Variants in FHIT observed in about 807,000 individuals in gnomAD.
FHIT encodes bis(5'-adenosyl)-triphosphatase.
In FHIT, 19 loss-of-function variants were observed where a neutral mutation model predicts 17.9. The ratio of observed to expected loss-of-function variants is 1.06; its 90% CI spans 0.74 to 1.56. The LOEUF (loss-of-function observed/expected upper bound fraction) is 1.56. Ranked by LOEUF, FHIT falls within the 40% of genes most tolerant of loss-of-function variation. The pLI, the probability that FHIT is intolerant of heterozygous loss-of-function variation, is 0.00. For missense variants in FHIT, 248 were observed against 189.2 expected, an observed-to-expected ratio of 1.31 and a Z score of -1.82; for synonymous variants, 81 against 69.7, an observed-to-expected ratio of 1.16 and a Z score of -0.81.
chr3:60,832,201 TATCTAATTGTATAAGA>T (rs1553742738), intron 3 of FHIT, among the ~76,000 whole-genome samples: 1 of 152,068 alleles, frequency 6.6e-6, no homozygotes, highest in Non-Finnish European at 1.5e-5. Flanking sequence ...TTGTACTTTT[TATCTAATTGTATAAGA>T]ATACAATTAG....
chr3:61,091,079 C>A (rs1296180327), intron 2 of FHIT, among the ~76,000 whole-genome samples: 1 of 152,174 alleles, frequency 6.6e-6, no homozygotes, highest in Non-Finnish European at 1.5e-5. Context: ...GTTCACATCC[C>A]TTAACTAACA....
At chr3:59,950,685 G>A (rs1260145218) in intron 7 of FHIT, among the ~76,000 whole-genome samples, 1 of 152,182 alleles carries the variant, frequency 6.6e-6, no homozygotes, top group Non-Finnish European at 1.5e-5. Context: ...AAACTCAGGT[G>A]AGTTCACTGT....
chr3:61,225,168 C>T (rs1232696998), intron 1 of FHIT, among the ~76,000 whole-genome samples: 1 of 152,162 alleles, frequency 6.6e-6, no homozygotes, highest in Non-Finnish European at 1.5e-5. Context: ...TTCCTTTTGG[C>T]AACAGTCAAA....
chr3:60,465,701 G>C (rs2594234), intron 5 of FHIT, among the ~76,000 whole-genome samples: 1 of 152,026 alleles, frequency 6.6e-6, no homozygotes, highest in African/African-American at 2.4e-5. Context: ...GTTTGCTGTA[G>C]ATGTATGGAT....
intron 4 of FHIT, among the ~76,000 whole-genome samples, chr3:60,715,677 T>G (rs927894864): frequency 1.3e-5 from 2 of 150,318 alleles, no homozygotes; most frequent in East Asian, 4.0e-4. Flanking sequence ...TGCTAAATGA[T>G]GAGTTAATGG....
At chr3:60,686,840 C>T (rs961912975) in intron 4 of FHIT, among the ~76,000 whole-genome samples, 1 of 152,266 alleles carries the variant, frequency 6.6e-6, no homozygotes, top group Admixed American at 6.5e-5. Flanking sequence ...CTACCTGTGG[C>T]TTGACCTCAG....
In FHIT at chr3:59,925,511, G is replaced by C. The variant is rs1255062584; in HGVS notation, c.280-3097C>G. 2.0e-5 allele frequency among the ~76,000 whole-genome samples: 3 copies of C among 152,064 alleles called. 1 individual carries two copies. The highest frequency in any genetic ancestry group is 4.2e-4 in the South Asian group (2 of 4,808). On this transcript the variant is annotated intron_variant, in intron 7 of 9. Coordinates refer to ENST00000492590, the MANE Select transcript of FHIT (RefSeq NM_002012.4). Reference sequence around the variant, plus strand: ...GTTAGTATCCACTACTAACATATGGGGGGTTGCGAACCTGCACTTGGGAAC... The same window carrying C: ...GTTAGTATCCACTACTAACATATGGCGGGTTGCGAACCTGCACTTGGGAAC...
intron 4 of FHIT, among the ~76,000 whole-genome samples, chr3:60,714,738 G>T (rs2041635450): frequency 6.6e-6 from 1 of 152,152 alleles, no homozygotes. Flanking sequence ...GGACGTGAAG[G>T]ACCTCTTCAA....
At chr3:60,441,763 T>C (rs1221178923) in intron 5 of FHIT, among the ~76,000 whole-genome samples, 11 of 21,388 alleles carry the variant, frequency 5.1e-4, no homozygotes, top group Admixed American at 1.3e-3. Flanking sequence ...TAAAAATATA[T>C]ATATATTTAT....
At chr3:60,623,967 A>C (rs1046697096) in intron 4 of FHIT, among the ~76,000 whole-genome samples, 9 of 152,218 alleles carry the variant, frequency 5.9e-5, no homozygotes, top group Non-Finnish European at 1.3e-4. Flanking sequence ...TGCTTTTGAA[A>C]AATTCTACAA....
chr3:60,078,140 G>C (rs149562087), intron 5 of FHIT, among the ~76,000 whole-genome samples: 1 of 152,096 alleles, frequency 6.6e-6, no homozygotes, highest in Non-Finnish European at 1.5e-5. Context: ...TGCAAAAAAA[G>C]AATGGGTAAA....
intron 5 of FHIT, among the ~76,000 whole-genome samples, chr3:60,441,739 TATATTTATATATATAAAA>T: frequency 2.1e-5 from 2 of 96,738 alleles, no homozygotes; most frequent in African/African-American, 8.6e-5. Flanking sequence ...TTTATATATA[TATATTTATATATATAAAA>T]ATATATATAT....
chr3:60,910,039 C>G (rs543160336), intron 3 of FHIT, among the ~76,000 whole-genome samples: 107 of 152,254 alleles, frequency 7.0e-4, no homozygotes, highest in African/African-American at 2.5e-3. Context: ...ATTTTGAATG[C>G]TCATCTTCTG....
chr3:60,988,238 T>G (rs894732993), intron 3 of FHIT, among the ~76,000 whole-genome samples: 2 of 152,056 alleles, frequency 1.3e-5, no homozygotes, highest in African/African-American at 4.8e-5. Context: ...AGAGAAAAAA[T>G]GTAATGTAAT....
chr3:61,094,664 C>T (rs1175714834), intron 2 of FHIT, among the ~76,000 whole-genome samples: 1 of 152,146 alleles, frequency 6.6e-6, no homozygotes, highest in Non-Finnish European at 1.5e-5. Context: ...GCAATTATAA[C>T]ACTATGCCAG....
At chr3:60,085,279 G>C (rs1362024098) in intron 5 of FHIT, among the ~76,000 whole-genome samples, 7 of 152,156 alleles carry the variant, frequency 4.6e-5, no homozygotes, top group Non-Finnish European at 8.8e-5. Flanking sequence ...ACCAAGAGCA[G>C]ATCATTCTGT....
intron 5 of FHIT, among the ~76,000 whole-genome samples, chr3:60,376,178 T>C (rs1700552132): frequency 6.6e-6 from 1 of 152,166 alleles, no homozygotes; most frequent in Non-Finnish European, 1.5e-5. Context: ...AGATTTTAAG[T>C]AGAGTAACTA....
At chr3:60,111,934 CT>C (rs1357996556) in intron 5 of FHIT, among the ~76,000 whole-genome samples, 3 of 152,150 alleles carry the variant, frequency 2.0e-5, no homozygotes, top group African/African-American at 7.2e-5. Flanking sequence ...CAGATTAGCC[CT>C]TTTTTGCCTC....
chr3:60,168,190 G>C (rs150220722), intron 5 of FHIT, among the ~76,000 whole-genome samples: 3 of 152,288 alleles, frequency 2.0e-5, no homozygotes, highest in Non-Finnish European at 4.4e-5. Context: ...ACACTTGAAA[G>C]AATTGCCTGT....
Sources: allele counts gnomAD v4.1 joint callset (sites outside exome capture counted in the v4.1 genomes callset), GRCh38; gene constraint gnomAD v4.1.1; transcripts MANE v1.5; gene names NCBI Gene and HGNC (gene_info 2026-07-23, HGNC 2026-07-21).